Variants in PRKN observed in about 807,000 individuals in gnomAD.
The protein encoded by PRKN is parkin RBR E3 ubiquitin protein ligase.
Under a neutral mutation model 59.5 loss-of-function variants are expected in PRKN, and 56 were observed. The observed-to-expected ratio is 0.94, with a 90% confidence interval of 0.76 to 1.18. The LOEUF (loss-of-function observed/expected upper bound fraction) is 1.18, where lower values mean the gene tolerates loss of function less well. PRKN is among the 50% of genes most tolerant of loss of function. The pLI, the probability that PRKN is intolerant of heterozygous loss-of-function variation, is 0.00. For synonymous variants in PRKN, 250 were observed against 222.1 expected (o/e 1.13, Z -1.12); for missense variants, 657 against 596.4 (o/e 1.10, Z -1.06).
At chr6:162,022,514 T>A (rs948402436) in intron 5 of PRKN, among the ~76,000 whole-genome samples, 1 of 152,166 alleles carries the variant, frequency 6.6e-6, no homozygotes, top group African/African-American at 2.4e-5. Flanking sequence ...TGTCCCCTTT[T>A]AACCGGTCTT....
In PRKN at chr6:161,565,850, C is replaced by T. The variant is rs770397082; in HGVS notation, c.933+3505G>A. ...AGAGAAACAACCAGCAGAGACCCTA[C>T]GCAAGGTTTACCATCAAATCCAATG... On this transcript the variant is annotated intron_variant, in intron 8 of 11. Coordinates refer to ENST00000366898, the MANE Select transcript of PRKN (RefSeq NM_004562.3). Among the ~76,000 whole-genome samples, 15 of 152,254 alleles carry T rather than the reference C, an allele frequency of 9.9e-5. 1 individual carries two copies. In the Middle Eastern group the frequency reaches 0.014, roughly 138 times the overall value.
chr6:162,336,591 C>T (rs976180444), intron 2 of PRKN, among the ~76,000 whole-genome samples: 11 of 152,182 alleles, frequency 7.2e-5, no homozygotes, highest in African/African-American at 2.7e-4. Context: ...GTCTGTCACA[C>T]GATTTCGATT....
intron 2 of PRKN, among the ~76,000 whole-genome samples, chr6:162,272,289 C>T (rs894520836): frequency 1.3e-5 from 2 of 152,054 alleles, no homozygotes; most frequent in East Asian, 3.9e-4. Context: ...AAAGCTATGC[C>T]CATTAAACCC....
chr6:161,917,130 G>C (rs1206493809), intron 6 of PRKN, among the ~76,000 whole-genome samples: 1 of 151,830 alleles, frequency 6.6e-6, no homozygotes, highest in Admixed American at 6.6e-5. Context: ...TTTTGAGATA[G>C]AGTCTCACTC....
chr6:161,712,438 C>G (rs1786788528), intron 7 of PRKN, among the ~76,000 whole-genome samples: 1 of 152,118 alleles, frequency 6.6e-6, no homozygotes, highest in Non-Finnish European at 1.5e-5. Context: ...ATCTATGACA[C>G]CTTTCCATCC....
intron 3 of PRKN, among the ~76,000 whole-genome samples, chr6:162,255,963 T>G (rs976481141): frequency 6.6e-6 from 1 of 152,122 alleles, no homozygotes; most frequent in Non-Finnish European, 1.5e-5. Context: ...GGGACTCTAG[T>G]GAGTTTAATT....
chr6:161,368,315 ATATT>A (rs1310058535), intron 10 of PRKN, among the ~76,000 whole-genome samples: 5 of 145,582 alleles, frequency 3.4e-5, no homozygotes, highest in Non-Finnish European at 7.5e-5. Flanking sequence ...ATTTGTATAT[ATATT>A]TATATATATT....
intron 4 of PRKN, among the ~76,000 whole-genome samples, chr6:162,091,224 A>C (rs1779481830): frequency 1.3e-5 from 2 of 152,176 alleles, no homozygotes; most frequent in African/African-American, 4.8e-5. Flanking sequence ...GACATCTAAA[A>C]ATGTGCTATC....
chr6:161,350,923 TTTAAA>T, intron 11 of PRKN, among the ~76,000 whole-genome samples: 1 of 91,600 alleles, frequency 1.1e-5, no homozygotes, highest in African/African-American at 4.8e-5. Flanking sequence ...TATATTTATA[TTTAAA>T]ATATATATAA....
At position 161,804,697 on chromosome 6, in the gene PRKN, C is replaced by T. The variant is rs150482048; in HGVS notation, c.735-18789G>A. 3.1e-3 allele frequency among the ~76,000 whole-genome samples: 476 copies of T among 152,328 alleles called. 3 individuals carry two copies. The highest frequency in any genetic ancestry group is 0.011 in the African/African-American group (451 of 41,578). ...ATTGGCAAACTCTGTTGCATCTACA[C>T]ATTGTCCCAACAATGCGTTTTAGAG... On this transcript the variant is annotated intron_variant, in intron 6 of 11. Transcript: ENST00000366898.
chr6:161,671,092 A>C (rs1784891915), intron 7 of PRKN, among the ~76,000 whole-genome samples: 1 of 152,080 alleles, frequency 6.6e-6, no homozygotes, highest in Non-Finnish European at 1.5e-5. Context: ...TCCTGACAAC[A>C]TGAATCTAAA....
rs1785482966 is a variant in PRKN at position 161,372,585 on chromosome 6, T to G, written c.1168-12380A>C. Among the ~76,000 whole-genome samples the G allele has an allele frequency of 1.3e-5, 2 of 152,190 alleles. No homozygotes were observed. Among genetic ancestry groups the G allele is most frequent in the African/African-American group, 2.4e-5 (1 of 41,452 alleles). On this transcript the variant is annotated intron_variant, in intron 10 of 11. Coordinates refer to ENST00000366898, the MANE Select transcript of PRKN (RefSeq NM_004562.3). This position sits in a 1 kb window ranked among gnomAD's most constrained non-coding sequence, Gnocchi z 4.2. Reference sequence around the variant, plus strand: ...AAATAGCAAGCCAACAATCCCTGCCTTGTGGAGCTTCCCCATTAGCAGAAC... The same window carrying G: ...AAATAGCAAGCCAACAATCCCTGCCGTGTGGAGCTTCCCCATTAGCAGAAC...
intron 7 of PRKN, among the ~76,000 whole-genome samples, chr6:161,717,508 G>A (rs926146488): frequency 2.6e-5 from 4 of 152,192 alleles, no homozygotes; most frequent in Admixed American, 2.0e-4. Context: ...CCAAGGGCTG[G>A]TCTGTCTACG....
chr6:161,644,540 G>A (rs552722354), intron 7 of PRKN, among the ~76,000 whole-genome samples: 23 of 152,188 alleles, frequency 1.5e-4, no homozygotes, highest in Non-Finnish European at 3.2e-4. Context: ...CCCTTAGTTC[G>A]TTTGATTCAA....
Position 161,832,741 on chromosome 6 carries a change from C to T in PRKN, c.735-46833G>A, listed in dbSNP as rs75169534. ...CCACACAGTGTGACACAATGACATGCGCCATCCTGGAGCAGGGCATCTCAC... is the reference window on the plus strand; with the variant it reads ...CCACACAGTGTGACACAATGACATGTGCCATCCTGGAGCAGGGCATCTCAC... On this transcript the variant is annotated intron_variant, in intron 6 of 11. Coordinates refer to ENST00000366898, the MANE Select transcript of PRKN (RefSeq NM_004562.3). 1.0e-2 allele frequency among the ~76,000 whole-genome samples: 1,514 copies of T among 152,102 alleles called. 17 individuals are homozygous for T. Among genetic ancestry groups the T allele is most frequent in the Non-Finnish European group, 0.013 (895 of 68,006 alleles).
At chr6:162,475,196 T>C (rs1791942988) in intron 1 of PRKN, among the ~76,000 whole-genome samples, 1 of 152,180 alleles carries the variant, frequency 6.6e-6, no homozygotes, top group Non-Finnish European at 1.5e-5. Context: ...CTTCTCACTA[T>C]TAACCAAAAA....
intron 6 of PRKN, among the ~76,000 whole-genome samples, chr6:161,850,362 G>A (rs779496441): frequency 6.6e-6 from 1 of 152,000 alleles, no homozygotes; most frequent in African/African-American, 2.4e-5. Flanking sequence ...CGTGGATCAC[G>A]AGGTCAAGAG....
At chr6:161,573,337 T>C (rs919406188) in intron 7 of PRKN, among the ~76,000 whole-genome samples, 1 of 152,174 alleles carries the variant, frequency 6.6e-6, no homozygotes, top group Admixed American at 6.5e-5. Context: ...TTAATTGATA[T>C]GTTTTTATTT....
chr6:161,837,079 T>C (rs144158166), intron 6 of PRKN, among the ~76,000 whole-genome samples: 2 of 152,238 alleles, frequency 1.3e-5, no homozygotes, highest in Non-Finnish European at 1.5e-5. Context: ...AGAGGCAGCA[T>C]GGTGCTGTTA....
Sources: gnomAD v4.1 joint callset for allele counts (sites outside exome capture counted in the v4.1 genomes callset) on GRCh38, gnomAD v4.1.1 for gene constraint, Gnocchi (gnomAD v3.1) non-coding constraint, MANE v1.5 for transcripts, NCBI Gene and HGNC (gene_info 2026-07-23, HGNC 2026-07-21) for gene names.